The following TOX2 variants were observed in gnomAD, a reference collection of about 807,000 sequenced individuals.
The protein encoded by TOX2 is granulosa cell HMG box 1.
A neutral mutation model predicts 47.4 loss-of-function variants in TOX2; 15 were observed. The ratio of observed to expected loss-of-function variants is 0.32; its 90% CI spans 0.21 to 0.49. The LOEUF (loss-of-function observed/expected upper bound fraction) is 0.49. Ranked by LOEUF, TOX2 falls within the 20% of genes least tolerant of loss-of-function variation. The pLI, the probability that TOX2 is intolerant of heterozygous loss-of-function variation, is 0.99. For missense variants in TOX2, 622 were observed against 673.1 expected (o/e 0.92, Z 0.84); for synonymous variants, 290 against 296.6 (o/e 0.98, Z 0.23).
At chr20:43,920,703 C>A (rs1455938450) in intron 1 of TOX2, among the ~76,000 whole-genome samples, 1 of 152,168 alleles carries the variant, frequency 6.6e-6, no homozygotes, top group Non-Finnish European at 1.5e-5. Context: ...AGCCTGTCAG[C>A]ACCCTTCTTT....
chr20:44,042,808 T>C (rs1045082750), intron 3 of TOX2, among the ~76,000 whole-genome samples: 1 of 152,186 alleles, frequency 6.6e-6, no homozygotes, highest in Non-Finnish European at 1.5e-5. Flanking sequence ...GATAGTAGCC[T>C]GGCCTGACTT....
intron 2 of TOX2, among the ~76,000 whole-genome samples, chr20:43,985,152 C>CTGGTCATT (rs1417098144): frequency 1.3e-5 from 2 of 152,194 alleles, no homozygotes; most frequent in African/African-American, 4.8e-5. Context: ...TCCCCTCAGA[C>CTGGTCATT]TGGTCATTTG....
chr20:44,051,920 G>C (rs1238968833), intron 4 of TOX2, among the ~76,000 whole-genome samples: 1 of 152,206 alleles, frequency 6.6e-6, no homozygotes, highest in Non-Finnish European at 1.5e-5. Flanking sequence ...TGTGCGTAAA[G>C]CAGAGAAAAT....
intron 3 of TOX2, among the ~76,000 whole-genome samples, chr20:44,048,038 G>C (rs1211932529): frequency 6.6e-6 from 1 of 151,864 alleles, no homozygotes; most frequent in Admixed American, 6.6e-5. Context: ...GGCCAACATG[G>C]CAAAAACCCA....
At chr20:44,026,004 GCCAT>G (rs2071055767) in intron 3 of TOX2, among the ~76,000 whole-genome samples, 1 of 151,846 alleles carries the variant, frequency 6.6e-6, no homozygotes, top group Admixed American at 6.6e-5. Flanking sequence ...CTCTGACGTG[GCCAT>G]GGAGTCCTGG....
At chr20:44,005,703 AG>A (rs1309176360) in intron 2 of TOX2, among the ~76,000 whole-genome samples, 1 of 152,220 alleles carries the variant, frequency 6.6e-6, no homozygotes, top group Non-Finnish European at 1.5e-5. Context: ...CAGTGGATGC[AG>A]GGGGAAAGAA....
chr20:43,950,447 C>A (rs1162741833), intron 1 of TOX2, among the ~76,000 whole-genome samples: 1 of 152,154 alleles, frequency 6.6e-6, no homozygotes, highest in African/African-American at 2.4e-5. Context: ...ATCTGTGGGG[C>A]ACACTCCATC....
chr20:44,043,655 G>A (rs952156455), intron 3 of TOX2, among the ~76,000 whole-genome samples: 1 of 152,138 alleles, frequency 6.6e-6, no homozygotes, highest in Non-Finnish European at 1.5e-5. Flanking sequence ...CCCAGTTAGT[G>A]AATGTTTATA....
chr20:43,958,314 C>G (rs36089775), intron 1 of TOX2, among the ~76,000 whole-genome samples: 191 of 152,324 alleles, frequency 1.3e-3, no homozygotes, highest in Non-Finnish European at 2.4e-3. Flanking sequence ...TTTAAACACG[C>G]ACCTGTTTTC....
At chr20:43,948,059 G>T (rs1283796354) in intron 1 of TOX2, among the ~76,000 whole-genome samples, 1 of 152,182 alleles carries the variant, frequency 6.6e-6, no homozygotes, top group Non-Finnish European at 1.5e-5. Flanking sequence ...CCTATAAAAT[G>T]ACATTGTTAG....
intron 1 of TOX2, among the ~76,000 whole-genome samples, chr20:43,943,505 A>G (rs2069427208): frequency 6.6e-6 from 1 of 152,058 alleles, no homozygotes. Context: ...TGAGACCCTT[A>G]CCGGTGAGTA....
intron 1 of TOX2, among the ~76,000 whole-genome samples, chr20:43,922,414 G>A (rs1258567592): frequency 6.6e-6 from 1 of 152,154 alleles, no homozygotes; most frequent in Non-Finnish European, 1.5e-5. Context: ...TTTAGCGCAG[G>A]TAAACTAGAA....
At chr20:43,928,981 G>GAAAAGAAAAAAAA (rs1555829642) in intron 1 of TOX2, among the ~76,000 whole-genome samples, 1 of 86,118 alleles carries the variant, frequency 1.2e-5, no homozygotes, top group African/African-American at 5.0e-5. Flanking sequence ...CTAAAAATAT[G>GAAAAGAAAAAAAA]AAAAAAAAAA....
intron 4 of TOX2, among the ~76,000 whole-genome samples, chr20:44,053,544 ATATATACATATATACTATAT>A (rs1250783387): frequency 7.1e-6 from 1 of 140,774 alleles, no homozygotes; most frequent in East Asian, 2.0e-4. Context: ...TATATACTAT[ATATATACATATATACTATAT>A]ATACACACAC....
chr20:43,973,058 G>T (rs954725106), intron 1 of TOX2, among the ~76,000 whole-genome samples: 1 of 152,254 alleles, frequency 6.6e-6, no homozygotes, highest in South Asian at 2.1e-4. Context: ...GGGCAGCTCA[G>T]CACATGGCAA....
intron 1 of TOX2, among the ~76,000 whole-genome samples, chr20:43,964,917 C>T (rs907529748): frequency 5.9e-5 from 9 of 152,136 alleles, no homozygotes; most frequent in Admixed American, 3.3e-4. Context: ...ATCATGGAGC[C>T]TCCAAGTCAC....
intron 3 of TOX2, among the ~76,000 whole-genome samples, chr20:44,014,857 G>T (rs1165655049): frequency 6.6e-6 from 1 of 152,180 alleles, no homozygotes; most frequent in Non-Finnish European, 1.5e-5. Context: ...GGGATAGTGG[G>T]AGGGCCCCAG....
chr20:43,928,981 G>GAAAAAAAAAAAA lies in TOX2; in HGVS notation c.99+13998_99+14009dup, dbSNP rs575418660. On this transcript the variant is annotated intron_variant, in intron 1 of 8. Transcript: ENST00000341197. The stretch of plus-strand genomic sequence containing the variant: ...GAAACCCTGTCTCTACTAAAAATAT[G>GAAAAAAAAAAAA]AAAAAAAAAAAAAAAAAACAACAAC... Among the ~76,000 whole-genome samples, 84 of 86,106 alleles carry GAAAAAAAAAAAA rather than the reference G, an allele frequency of 9.8e-4. 4 individuals are homozygous for GAAAAAAAAAAAA. Among genetic ancestry groups the GAAAAAAAAAAAA allele is most frequent in the African/African-American group, 3.5e-3 (70 of 20,168 alleles). 56.5% of individuals were successfully genotyped at this position (86,106 alleles called of 152,430 possible).
rs1226621892 is a variant in TOX2, at chr20:44,069,143, T to G, written c.*457T>G. On this transcript the variant is annotated 3_prime_UTR_variant, in exon 9 of 9. Coordinates refer to ENST00000341197, the MANE Select transcript of TOX2 (RefSeq NM_001098797.2). ...ACAAAAGATTACGAAACCTAGAAACTGTTGGTTCCGTGTAAGTAGTTGACT... is the reference window on the plus strand; with the variant it reads ...ACAAAAGATTACGAAACCTAGAAACGGTTGGTTCCGTGTAAGTAGTTGACT... 5.7e-6 allele frequency: 2 copies of G among 351,740 alleles called. No homozygotes were observed. The highest frequency in any genetic ancestry group is 1.5e-4 in the East Asian group (2 of 13,430). The allele number at this position is 351,740 out of a possible 1,614,324, so 21.8% of individuals were successfully genotyped here.
Sources: gnomAD v4.1 joint callset for allele counts (sites outside exome capture counted in the v4.1 genomes callset) on GRCh38, gnomAD v4.1.1 for gene constraint, MANE v1.5 for transcripts, NCBI Gene and HGNC (gene_info 2026-07-23, HGNC 2026-07-21) for gene names.